HSDL1: variants seen among roughly 807,000 people sequenced by gnomAD.
HSDL1 encodes the protein hydroxysteroid dehydrogenase like 1.
A neutral mutation model predicts 31.5 loss-of-function variants in HSDL1; 29 were observed. That is an observed-to-expected ratio of 0.92 (90% confidence interval 0.69 to 1.26). The LOEUF (loss-of-function observed/expected upper bound fraction) is 1.26. HSDL1 is among the 50% of genes most tolerant of loss of function. HSDL1 has a pLI of 0.00. For missense variants in HSDL1, 503 were observed against 416.6 expected, an observed-to-expected ratio of 1.21 and a Z score of -1.81; for synonymous variants, 222 against 155.2, an observed-to-expected ratio of 1.43 and a Z score of -3.20.
chr16:84,131,835 T>A (rs2086671772), intron 2 of HSDL1, among the ~76,000 whole-genome samples: 1 of 151,642 alleles, frequency 6.6e-6, no homozygotes, highest in Non-Finnish European at 1.5e-5. Context: ...GCCCGCCACC[T>A]CGCCCGGCTA....
chr16:84,139,989 G>C (rs985843443), intron 1 of HSDL1, among the ~76,000 whole-genome samples: 1 of 152,112 alleles, frequency 6.6e-6, no homozygotes, highest in Admixed American at 6.5e-5. Flanking sequence ...CAAGTCCCAT[G>C]TCTTCTCCTC....
intron 5 of HSDL1, among the ~76,000 whole-genome samples, chr16:84,127,819 C>T (rs1476981739): frequency 2.0e-5 from 3 of 148,744 alleles, no homozygotes; most frequent in Admixed American, 1.3e-4. Context: ...CCCGGGTTCA[C>T]GCCATTCTCC....
chr16:84,137,966 G>A (rs539767525), intron 1 of HSDL1, among the ~76,000 whole-genome samples: 11 of 150,822 alleles, frequency 7.3e-5, no homozygotes, highest in South Asian at 4.1e-4. Context: ...TGAGCGTTCC[G>A]CCCCACTCCC....
intron 1 of HSDL1, among the ~76,000 whole-genome samples, chr16:84,140,301 G>A (rs2151192041): frequency 6.6e-6 from 1 of 152,330 alleles, no homozygotes; most frequent in East Asian, 1.9e-4. Flanking sequence ...GTCTTGTTCT[G>A]TCTTCCAGGC....
intron 5 of HSDL1, among the ~76,000 whole-genome samples, chr16:84,126,675 C>T (rs774253059): frequency 6.6e-5 from 10 of 152,090 alleles, no homozygotes; most frequent in Non-Finnish European, 1.2e-4. Context: ...TAATAGAGGT[C>T]ATTCAATCCT....
rs576804951 is a variant in HSDL1 at position 84,124,654 on chromosome 16, C to G, written c.969G>C (p.Lys323Asn). 38 of 1,613,552 alleles carry G rather than the reference C, an allele frequency of 2.4e-5. No individual in the cohort carries two copies. The highest frequency in any genetic ancestry group is 3.0e-5 in the Non-Finnish European group (35 of 1,179,624). The change falls in exon 6 of 6, where the codon AAG (lysine) becomes AAC (asparagine). Residue 323 changes from lysine (K) to asparagine (N), a missense_variant. Transcript: ENST00000219439. ...CTCAGGCTGTGCAGGATAAGGCTTC[C>G]TTACGTAGTGAACGGTTGAGAATAT... ...GANILNRSLR[K>N]EALSCTA
At chr16:84,133,658 G>A (rs770552152) in intron 2 of HSDL1, among the ~76,000 whole-genome samples, 4 of 152,278 alleles carry the variant, frequency 2.6e-5, no homozygotes, top group Admixed American at 1.3e-4. Context: ...GAACCCGGGA[G>A]GAGGAAGTTA....
chr16:84,130,345 T>A lies in HSDL1; in HGVS notation c.307A>T (p.Lys103Ter). The A allele has an allele frequency of 1.2e-6, 2 of 1,614,194 alleles. No homozygotes were observed. The highest frequency in any genetic ancestry group is 1.7e-6 in the Non-Finnish European group (2 of 1,180,036). Residue 103 changes from lysine to a stop codon, truncating the protein, a stop_gained, in exon 4 of 6, where the codon AAG (lysine) becomes TAG (stop). Transcript: ENST00000219439. LOFTEE classifies it high-confidence loss of function. ...NIILISRNEE[K>*]LQVVAKDIAD... ...ATGTCTTTAGCAACAACCTGCAACT[T>A]CTCCTCGTTCCGACTAATCAGGATT...
chr16:84,130,319 T>C lies in HSDL1; in HGVS notation c.333A>G (p.Ile111Met), dbSNP rs1360214936. The part of the protein sequence containing the change: ...EEKLQVVAKD[I>M]ADTYKVETDI... ...CAGTTTCCACTTTGTACGTGTCGGC[T>C]ATGTCTTTAGCAACAACCTGCAACT... Residue 111 changes from isoleucine (I) to methionine (M), a missense_variant, in exon 4 of 6, where the codon ATA becomes ATG. Ile to Met is a conservative substitution (Grantham distance 10). Coordinates refer to ENST00000219439, the MANE Select transcript of HSDL1 (RefSeq NM_031463.5). 2 of 1,614,242 alleles carry C rather than the reference T, an allele frequency of 1.2e-6. No homozygotes were observed. The highest frequency in any genetic ancestry group is 1.1e-5 in the South Asian group (1 of 91,086).
chr16:84,131,345 G>C lies in HSDL1; in HGVS notation c.-6-18C>G. On this transcript the variant is annotated intron_variant, in intron 2 of 5. Transcript: ENST00000219439. Reference sequence around the variant, plus strand: ...ATGGCAACCTGCAGGGAGAGGGAAAGAGAGAGAGCCTCTTTGATTAATAAA... The same window carrying C: ...ATGGCAACCTGCAGGGAGAGGGAAACAGAGAGAGCCTCTTTGATTAATAAA... 1.3e-6 allele frequency: 2 copies of C among 1,526,248 alleles called. No individual in the cohort carries two copies. Among genetic ancestry groups the C allele is most frequent in the East Asian group, 2.2e-5 (1 of 44,460 alleles). 94.5% of individuals were successfully genotyped at this position (1,526,248 alleles called of 1,614,324 possible).
chr16:84,130,198 C>A lies in HSDL1; in HGVS notation c.454G>T (p.Val152Leu), dbSNP rs533488568. The A allele has an allele frequency of 3.1e-6, 5 of 1,614,182 alleles. No individual in the cohort carries two copies. Among genetic ancestry groups the A allele is most frequent in the Non-Finnish European group, 4.2e-6 (5 of 1,180,034 alleles). ...DKDVGILVNNVGVFYPYPQYF... is the reference protein window; with the variant it reads ...DKDVGILVNNLGVFYPYPQYF... ...TGCGGGTAGGGATAAAACACACCCA[C>A]GTTATTTACCAAGATGCCAACGTCT... The change falls in exon 4 of 6, where the codon GTG becomes TTG. Residue 152 changes from valine (V) to leucine (L), a missense_variant. Transcript: ENST00000219439.
At chr16:84,135,379 G>C (rs1027281420) in intron 2 of HSDL1, among the ~76,000 whole-genome samples, 165 bp downstream of exon 2, 33 of 152,210 alleles carry the variant, frequency 2.2e-4, no homozygotes, top group African/African-American at 7.7e-4. Flanking sequence ...AGGAGGTCAG[G>C]CATGCCTCAT....
At chr16:84,128,841 G>A (rs2086633827) in intron 5 of HSDL1, among the ~76,000 whole-genome samples, 1 of 151,790 alleles carries the variant, frequency 6.6e-6, no homozygotes, top group Non-Finnish European at 1.5e-5. Flanking sequence ...CCAAGTAGCT[G>A]GGACTACAGG....
intron 1 of HSDL1, among the ~76,000 whole-genome samples, chr16:84,144,713 G>A (rs1430271761): frequency 6.6e-6 from 1 of 151,844 alleles, no homozygotes; most frequent in Non-Finnish European, 1.5e-5. Context: ...GCATGCGCCG[G>A]CGACAACGGG....
intron 5 of HSDL1, among the ~76,000 whole-genome samples, chr16:84,127,576 T>C (rs1026411176): frequency 2.0e-5 from 3 of 151,672 alleles, no homozygotes; most frequent in Admixed American, 6.6e-5. Context: ...ACTGTTGATA[T>C]ACTTACATGT....
intron 2 of HSDL1, among the ~76,000 whole-genome samples, chr16:84,134,479 C>T (rs377715717): frequency 6.6e-6 from 1 of 151,894 alleles, no homozygotes; most frequent in Non-Finnish European, 1.5e-5. Context: ...AAAAATTAGC[C>T]GGGTATGGTG....
At chr16:84,128,822 C>T (rs1258639431) in intron 5 of HSDL1, among the ~76,000 whole-genome samples, 1 of 151,988 alleles carries the variant, frequency 6.6e-6, no homozygotes, top group Non-Finnish European at 1.5e-5. Flanking sequence ...ATTCTCCTGC[C>T]TCAGCCTCCC....
chr16:84,133,284 T>G (rs1433439729), intron 2 of HSDL1, among the ~76,000 whole-genome samples: 1 of 152,146 alleles, frequency 6.6e-6, no homozygotes, highest in African/African-American at 2.4e-5. Flanking sequence ...ACAAGAAATA[T>G]GACTGAAAAC....
In HSDL1 at chr16:84,124,801, A is replaced by T. The variant is rs2086586855; in HGVS notation, c.895-73T>A. 4.1e-6 allele frequency: 4 copies of T among 973,988 alleles called. No individual in the cohort carries two copies. In the South Asian group the frequency reaches 5.4e-5, roughly 13 times the overall value. 60.3% of individuals were successfully genotyped at this position (973,988 alleles called of 1,614,324 possible). ...CACTGAAGGAACAAGTACACAGACC[A>T]GCACATGAAACCCACCAATCACAAC... On this transcript the variant is annotated intron_variant, in intron 5 of 5. Coordinates refer to ENST00000219439, the MANE Select transcript of HSDL1 (RefSeq NM_031463.5).
Sources: gnomAD v4.1 joint callset for allele counts (sites outside exome capture counted in the v4.1 genomes callset) on GRCh38, gnomAD v4.1.1 for gene constraint, MANE v1.5 for transcripts, NCBI Gene and HGNC (gene_info 2026-07-23, HGNC 2026-07-21) for gene names.